The following STK32B variants were observed in gnomAD, a reference collection of about 807,000 sequenced individuals.
STK32B encodes serine/threonine kinase 32B.
A neutral mutation model predicts 52.6 loss-of-function variants in STK32B; 43 were observed. The ratio of observed to expected loss-of-function variants is 0.82; its 90% confidence interval spans 0.64 to 1.05. STK32B has a LOEUF of 1.05. Among genes scored for constraint, STK32B ranks in the 50% least tolerant of loss-of-function variants. STK32B has a pLI of 0.00. For missense variants in STK32B, 621 were observed against 534.6 expected, an observed-to-expected ratio of 1.16 and a Z score of -1.59; for synonymous variants, 238 against 204.3, an observed-to-expected ratio of 1.17 and a Z score of -1.41.
intron 2 of STK32B, among the ~76,000 whole-genome samples, chr4:5,153,759 C>G (rs958291548): frequency 6.6e-6 from 1 of 152,078 alleles, no homozygotes; most frequent in Non-Finnish European, 1.5e-5. Flanking sequence ...TATTCACAGA[C>G]TTATGTTTTT....
chr4:5,339,680 A>G (rs533081106), intron 4 of STK32B, among the ~76,000 whole-genome samples: 1 of 152,168 alleles, frequency 6.6e-6, no homozygotes, highest in African/African-American at 2.4e-5. Flanking sequence ...CCTGGGTTGG[A>G]TTGCCAAGGA....
rs1331200863 is a variant in STK32B at position 5,051,816 on chromosome 4, C to T, written c.-48C>T. 1.3e-6 allele frequency: 2 copies of T among 1,566,042 alleles called. No homozygotes were observed. Among genetic ancestry groups the T allele is most frequent in the Non-Finnish European group, 8.6e-7 (1 of 1,156,298 alleles). On this transcript the variant is annotated 5_prime_UTR_variant, in exon 1 of 12. Coordinates refer to ENST00000282908, the MANE Select transcript of STK32B (RefSeq NM_018401.3). ...TCTGCGCGCGTCCCACATCCCGCATCCGGCATCCCAGCGGCCGGGCATGTA... is the reference window on the plus strand; with the variant it reads ...TCTGCGCGCGTCCCACATCCCGCATTCGGCATCCCAGCGGCCGGGCATGTA...
chr4:5,179,634 C>A (rs1410584032), intron 3 of STK32B, among the ~76,000 whole-genome samples: 1 of 151,982 alleles, frequency 6.6e-6, no homozygotes, highest in Admixed American at 6.6e-5. Flanking sequence ...AGACGATGGC[C>A]CTTCAAGCTA....
Position 5,129,503 on chromosome 4 carries a change from G to A in STK32B, c.53-10402G>A, listed in dbSNP as rs564533449. ...GAATAAACTATGTATTCTTATATCT[G>A]GTAGGATGAAACTTTTCTCTTCAAA... On this transcript the variant is annotated intron_variant, in intron 1 of 11. Transcript: ENST00000282908. Among the ~76,000 whole-genome samples, 16 of 152,284 alleles carry A rather than the reference G, an allele frequency of 1.1e-4. No homozygotes were observed. In the East Asian group the frequency reaches 3.1e-3, roughly 29 times the overall value.
intron 7 of STK32B, among the ~76,000 whole-genome samples, chr4:5,449,056 T>A (rs1286460832): frequency 6.6e-6 from 1 of 152,132 alleles, no homozygotes; most frequent in African/African-American, 2.4e-5. Flanking sequence ...AAAGTCATAG[T>A]GGAGGCTAGG....
chr4:5,319,427 A>T (rs79056531), intron 3 of STK32B, among the ~76,000 whole-genome samples: 5 of 152,108 alleles, frequency 3.3e-5, no homozygotes, highest in Admixed American at 6.5e-5. Flanking sequence ...CCAAAACTCA[A>T]ATCTGACAAG....
intron 4 of STK32B, among the ~76,000 whole-genome samples, chr4:5,376,037 A>G (rs1193020952): frequency 6.6e-6 from 1 of 152,158 alleles, no homozygotes; most frequent in African/African-American, 2.4e-5. Context: ...AACACTCTGG[A>G]CGCAGAGTTC....
intron 2 of STK32B, among the ~76,000 whole-genome samples, chr4:5,163,317 C>T (rs562127048): frequency 3.3e-5 from 5 of 152,236 alleles, no homozygotes; most frequent in Non-Finnish European, 7.4e-5. Flanking sequence ...CAGATAAAAA[C>T]GGGGATTTAT....
intron 3 of STK32B, among the ~76,000 whole-genome samples, chr4:5,247,271 G>T (rs1048735109): frequency 6.6e-6 from 1 of 152,192 alleles, no homozygotes; most frequent in Non-Finnish European, 1.5e-5. Context: ...CCTGAGCAAT[G>T]GTGGGTGCCC....
intron 2 of STK32B, among the ~76,000 whole-genome samples, chr4:5,162,309 C>A (rs1718509696): frequency 6.6e-6 from 1 of 152,198 alleles, no homozygotes; most frequent in African/African-American, 2.4e-5. Context: ...TGTACTTCAG[C>A]CTTCCCTGGG....
intron 7 of STK32B, 140 bp from the exon 8 acceptor site, chr4:5,456,667 G>C: frequency 1.3e-6 from 1 of 773,490 alleles, no homozygotes; most frequent in Non-Finnish European, 2.0e-6. Context: ...CGGGCCACCT[G>C]CTCTGCCGTG....
At chr4:5,434,276 A>AAACC in intron 6 of STK32B, among the ~76,000 whole-genome samples, 1 of 152,190 alleles carries the variant, frequency 6.6e-6, no homozygotes, top group East Asian at 1.9e-4. Flanking sequence ...ATTAATAGCA[A>AAACC]AACCATATTT....
At chr4:5,251,066 G>C (rs537676239) in intron 3 of STK32B, among the ~76,000 whole-genome samples, 1 of 152,082 alleles carries the variant, frequency 6.6e-6, no homozygotes, top group African/African-American at 2.4e-5. Context: ...AGTTTAATTA[G>C]GTTCCATTTG....
chr4:5,278,294 A>G (rs1727968390), intron 3 of STK32B, among the ~76,000 whole-genome samples: 3 of 152,222 alleles, frequency 2.0e-5, no homozygotes, highest in Admixed American at 1.3e-4. Context: ...TCTGAAAACC[A>G]GAGCATTAAG....
At position 5,140,311 on chromosome 4, in the gene STK32B, G is replaced by C. The variant is rs1224360646; in HGVS notation, c.108+351G>C. 4 of 1,290,116 alleles carry C rather than the reference G, an allele frequency of 3.1e-6. No individual in the cohort carries two copies. The East Asian group carries it at 1.5e-4, about 48-fold the overall frequency. 79.9% of individuals were successfully genotyped at this position (1,290,116 alleles called of 1,614,324 possible). Reference sequence around the variant, plus strand: ...ACATAGACGTTTGTTGTTTTGGTAAGTTCATATTTGTGATCTTTGACTATT... The same window carrying C: ...ACATAGACGTTTGTTGTTTTGGTAACTTCATATTTGTGATCTTTGACTATT... On this transcript the variant is annotated intron_variant, in intron 2 of 11. Transcript: ENST00000282908.
At chr4:5,495,605 TC>T (rs1261062273) in intron 11 of STK32B, among the ~76,000 whole-genome samples, 2 of 152,216 alleles carry the variant, frequency 1.3e-5, no homozygotes, top group Non-Finnish European at 2.9e-5. Context: ...CCAGCTTTGT[TC>T]CGTTGCTGGT....
chr4:5,218,871 C>G (rs1462906466), intron 3 of STK32B, among the ~76,000 whole-genome samples: 1 of 152,186 alleles, frequency 6.6e-6, no homozygotes, highest in Non-Finnish European at 1.5e-5. Flanking sequence ...GGAGCTGGGA[C>G]TGGGCACCGC....
chr4:5,243,865 A>G (rs1450300087), intron 3 of STK32B, among the ~76,000 whole-genome samples: 1 of 152,114 alleles, frequency 6.6e-6, no homozygotes, highest in African/African-American at 2.4e-5. Context: ...GGTTCTGTTT[A>G]TATGCTGGAT....
At chr4:5,228,615 T>C (rs1724032759) in intron 3 of STK32B, among the ~76,000 whole-genome samples, 1 of 152,160 alleles carries the variant, frequency 6.6e-6, no homozygotes, top group Non-Finnish European at 1.5e-5. Context: ...ACCACTGCAA[T>C]AAAGTGAATA....
Sources: allele counts gnomAD v4.1 joint callset (sites outside exome capture counted in the v4.1 genomes callset), GRCh38; gene constraint gnomAD v4.1.1; transcripts MANE v1.5; gene names NCBI Gene and HGNC (gene_info 2026-07-23, HGNC 2026-07-21).